GPATCH2: variants seen among roughly 807,000 people sequenced by gnomAD.
GPATCH2 encodes G patch domain-containing protein 2.
GPATCH2 carries 51 observed loss-of-function variants against 58.0 expected under a neutral mutation model. The ratio of observed to expected loss-of-function variants is 0.88; its 90% CI spans 0.70 to 1.11. The LOEUF is 1.11. Among genes scored for constraint, GPATCH2 ranks in the 50% most tolerant of loss-of-function variants. The pLI, the probability that GPATCH2 is intolerant of heterozygous loss-of-function variation, is 0.00. For missense variants in GPATCH2, 625 were observed against 652.2 expected (o/e 0.96, Z 0.45); for synonymous variants, 222 against 218.5 (o/e 1.02, Z -0.14).
chr1:217,468,064 T>G (rs1398787621), intron 8 of GPATCH2, among the ~76,000 whole-genome samples: 1 of 152,046 alleles, frequency 6.6e-6, no homozygotes, highest in Non-Finnish European at 1.5e-5. Context: ...TTTTGAAAAC[T>G]GGCATATAAT....
At chr1:217,605,707 C>T (rs981579892) in intron 5 of GPATCH2, among the ~76,000 whole-genome samples, 2 of 152,112 alleles carry the variant, frequency 1.3e-5, no homozygotes, top group Admixed American at 6.6e-5. Context: ...TTTTAAAAAG[C>T]TCTGACCTAC....
At chr1:217,462,722 T>C (rs567395797) in intron 8 of GPATCH2, among the ~76,000 whole-genome samples, 2 of 152,352 alleles carry the variant, frequency 1.3e-5, no homozygotes, top group Admixed American at 1.3e-4. Flanking sequence ...GGAAATCTTT[T>C]TCTTCAACTA....
chr1:217,461,877 T>C (rs1027816465), intron 8 of GPATCH2, among the ~76,000 whole-genome samples: 1 of 152,160 alleles, frequency 6.6e-6, no homozygotes, highest in East Asian at 1.9e-4. Context: ...GGTAGATATA[T>C]GTTATATCCC....
chr1:217,555,952 C>CTATA (rs1571911600), intron 5 of GPATCH2, among the ~76,000 whole-genome samples: 2 of 152,262 alleles, frequency 1.3e-5, no homozygotes, highest in South Asian at 4.1e-4. Flanking sequence ...TTACTTTGTA[C>CTATA]TATACAACAG....
intron 8 of GPATCH2, among the ~76,000 whole-genome samples, chr1:217,483,154 T>C (rs1395431759): frequency 3.3e-5 from 5 of 152,180 alleles, no homozygotes; most frequent in Admixed American, 1.3e-4. Flanking sequence ...ATAAAGATGC[T>C]ACAAATATTT....
chr1:217,483,118 T>C (rs1219073748), intron 8 of GPATCH2, among the ~76,000 whole-genome samples: 4 of 152,338 alleles, frequency 2.6e-5, no homozygotes, highest in South Asian at 4.1e-4. Context: ...ATATTGGTTG[T>C]TTCCTTTTTG....
At chr1:217,506,891 G>A (rs941175730) in intron 6 of GPATCH2, among the ~76,000 whole-genome samples, 8 of 152,110 alleles carry the variant, frequency 5.3e-5, no homozygotes, top group African/African-American at 9.7e-5. Flanking sequence ...CTCATTAGCC[G>A]TCCCCATCTC....
chr1:217,611,183 G>T, intron 3 of GPATCH2, 112 bp from the exon 4 acceptor site: 1 of 938,892 alleles, frequency 1.1e-6, no homozygotes, highest in South Asian at 1.7e-5. Context: ...ATTTGAATTT[G>T]AGATCAATGA....
chr1:217,628,483 G>A (rs550018408), intron 1 of GPATCH2, among the ~76,000 whole-genome samples: 1 of 151,960 alleles, frequency 6.6e-6, no homozygotes, highest in Admixed American at 6.5e-5. Flanking sequence ...ACTCAAACCT[G>A]CCAGTATGCA....
chr1:217,515,868 T>A (rs1177145410), intron 5 of GPATCH2, among the ~76,000 whole-genome samples: 1 of 151,358 alleles, frequency 6.6e-6, no homozygotes, highest in Admixed American at 6.6e-5. Context: ...TGTAGCTAGA[T>A]CCTAAATATA....
At position 217,572,227 on chromosome 1, in the gene GPATCH2, T is replaced by G. The variant is rs111662271; in HGVS notation, c.1098+38094A>C. ...TGATAGCTAGTAGAAGAATTAGAAC[T>G]TAAATTTAGGTCTTGTGAAAAGGGG... On this transcript the variant is annotated intron_variant, in intron 5 of 9. Transcript: ENST00000366935. Among the ~76,000 whole-genome samples, 622 of 152,230 alleles carry G rather than the reference T, an allele frequency of 4.1e-3. 4 individuals are homozygous for G. Among genetic ancestry groups the G allele is most frequent in the African/African-American group, 0.014 (596 of 41,538 alleles).
intron 5 of GPATCH2, among the ~76,000 whole-genome samples, chr1:217,587,763 G>A (rs1378083042): frequency 6.6e-6 from 1 of 152,024 alleles, no homozygotes; most frequent in East Asian, 1.9e-4. Context: ...TGACTAGGGA[G>A]GAGTAAGGAA....
intron 2 of GPATCH2, among the ~76,000 whole-genome samples, chr1:217,618,369 G>A (rs1024341099): frequency 2.6e-5 from 4 of 151,450 alleles, no homozygotes; most frequent in Admixed American, 6.6e-5. Context: ...CACCACACTC[G>A]GCTAATTTTT....
intron 5 of GPATCH2, among the ~76,000 whole-genome samples, chr1:217,523,681 C>T (rs1663606451): frequency 6.6e-6 from 1 of 151,676 alleles, no homozygotes; most frequent in Admixed American, 6.5e-5. Context: ...TCTCAATGAG[C>T]TGTTGGGTAC....
At chr1:217,610,097 C>T (rs767787093) in intron 5 of GPATCH2, 5 of 1,532,838 alleles carry the variant, frequency 3.3e-6, no homozygotes, top group Non-Finnish European at 4.4e-6. Context: ...AGCCAGGTTC[C>T]CTCGAATGTC....
chr1:217,461,899 C>A (rs1660217806), intron 8 of GPATCH2, among the ~76,000 whole-genome samples: 1 of 152,082 alleles, frequency 6.6e-6, no homozygotes. Flanking sequence ...AAAACTTTTA[C>A]AGACTTGTTA....
chr1:217,576,259 T>C (rs1666797951), intron 5 of GPATCH2, among the ~76,000 whole-genome samples: 1 of 152,184 alleles, frequency 6.6e-6, no homozygotes, highest in South Asian at 2.1e-4. Flanking sequence ...GAACCAGTGA[T>C]GACACACTAT....
rs1031553010 is a variant in GPATCH2, at chr1:217,549,182, C to T, written c.1099-34293G>A. Among the ~76,000 whole-genome samples, 10 of 152,220 alleles carry T rather than the reference C, an allele frequency of 6.6e-5. No individual in the cohort carries two copies. The South Asian group carries it at 1.0e-3, about 16-fold the overall frequency. ...ACAGCCTCTCAGTTCAATTACAAAA[C>T]CATTTACTGAGAACATATTATGGGT... is the stretch of plus-strand genomic sequence containing the variant. On this transcript the variant is annotated intron_variant, in intron 5 of 9. Coordinates refer to ENST00000366935, the MANE Select transcript of GPATCH2 (RefSeq NM_018040.5).
At chr1:217,566,813 C>A (rs1666258050) in intron 5 of GPATCH2, among the ~76,000 whole-genome samples, 1 of 152,100 alleles carries the variant, frequency 6.6e-6, no homozygotes, top group Non-Finnish European at 1.5e-5. Flanking sequence ...CAAAAGTAGA[C>A]AGTTAAAATA....
Sources: gnomAD v4.1 joint callset for allele counts (sites outside exome capture counted in the v4.1 genomes callset) on GRCh38, gnomAD v4.1.1 for gene constraint, MANE v1.5 for transcripts, NCBI Gene and HGNC (gene_info 2026-07-23, HGNC 2026-07-21) for gene names.